The following ZC3H12B variants were observed in gnomAD, a reference collection of about 807,000 sequenced individuals.
ZC3H12B encodes zinc finger CCCH-type containing 12B.
In ZC3H12B, 7 loss-of-function variants were observed where a neutral mutation model predicts 43.9. The observed-to-expected ratio is 0.16, with a 90% CI of 0.09 to 0.30. The LOEUF (loss-of-function observed/expected upper bound fraction) is 0.30. Ranked by LOEUF, ZC3H12B falls within the 10% of genes least tolerant of loss-of-function variation. The pLI is 1.00. For synonymous variants in ZC3H12B, 222 were observed against 241.7 expected, an observed-to-expected ratio of 0.92 and a Z score of 0.76; for missense variants, 475 against 670.2, an observed-to-expected ratio of 0.71 and a Z score of 3.22.
chrX:65,151,749 G>C, the ZC3H12B span, among the ~76,000 whole-genome samples: 1 of 111,396 alleles, frequency 9.0e-6, no homozygotes, highest in African/African-American at 3.3e-5. Context: ...GCATCATCCT[G>C]ATACCAAAGC....
At chrX:65,489,736 A>G (rs2148225325) in intron 1 of ZC3H12B, among the ~76,000 whole-genome samples, 1 of 112,007 alleles carries the variant, frequency 8.9e-6, no homozygotes, top group Non-Finnish European at 1.9e-5. Context: ...TGCTGCTTTT[A>G]TAAAGTCACT....
the ZC3H12B span, among the ~76,000 whole-genome samples, chrX:65,221,779 G>T: frequency 5.4e-5 from 6 of 110,880 alleles, no homozygotes; most frequent in Admixed American, 4.8e-4. Flanking sequence ...AGAAGAATTG[G>T]TGCAAGTCCT....
chrX:65,451,220 G>A (rs1430453503), intron 3 of ZC3H12B, among the ~76,000 whole-genome samples: 1 of 110,566 alleles, frequency 9.0e-6, no homozygotes, highest in Non-Finnish European at 1.9e-5. Flanking sequence ...AAAGTCCTGG[G>A]ATTACAGGTG....
the ZC3H12B span, among the ~76,000 whole-genome samples, chrX:65,309,248 G>A: frequency 1.8e-5 from 2 of 109,855 alleles, no homozygotes; most frequent in African/African-American, 6.6e-5. Flanking sequence ...TAGACTGCTA[G>A]CAAGATTAAA....
chrX:65,408,054 G>A lies in ZC3H12B; in HGVS notation n.407+9350G>A, dbSNP rs1170651290. ...ATTGACCGGAGAATTGAGTTGCCGG[G>A]GAACAGAGCCCCGGCCGCCGCCAGC... On this transcript the variant is annotated intron_variant and non_coding_transcript_variant, in intron 3 of 5. Coordinates refer to the ZC3H12B transcript ENST00000617377. 2.0e-5 allele frequency: 23 copies of A among 1,166,887 alleles called. No homozygotes were observed. The East Asian group carries it at 7.1e-4, about 36-fold the overall frequency.
the ZC3H12B span, among the ~76,000 whole-genome samples, chrX:65,267,719 T>A: frequency 2.7e-5 from 3 of 111,642 alleles, no homozygotes; most frequent in African/African-American, 9.7e-5. Flanking sequence ...TTAAGTATCT[T>A]GAGAAAAGTG....
intron 3 of ZC3H12B, among the ~76,000 whole-genome samples, chrX:65,467,799 T>C (rs1484127108): frequency 1.8e-5 from 2 of 112,444 alleles, no homozygotes; most frequent in Admixed American, 1.9e-4. Flanking sequence ...GATGGCATTG[T>C]TTATTTTTCT....
chrX:65,262,255 A>AC, the ZC3H12B span, among the ~76,000 whole-genome samples: 1 of 111,380 alleles, frequency 9.0e-6, no homozygotes, highest in Non-Finnish European at 1.9e-5. Flanking sequence ...TGGAGTTGGT[A>AC]CCTACCTATA....
chrX:65,345,247 A>C, the ZC3H12B span, among the ~76,000 whole-genome samples: 2 of 112,224 alleles, frequency 1.8e-5, no homozygotes, highest in Non-Finnish European at 1.9e-5. Flanking sequence ...ACATGCATGC[A>C]TATGTACATT....
chrX:65,150,148 C>T, the ZC3H12B span, among the ~76,000 whole-genome samples: 1 of 110,788 alleles, frequency 9.0e-6, no homozygotes, highest in Non-Finnish European at 1.9e-5. Context: ...CCCTTCCTTT[C>T]CTATTGCTAC....
At chrX:65,279,296 G>A in the ZC3H12B span, among the ~76,000 whole-genome samples, 2 of 89,755 alleles carry the variant, frequency 2.2e-5, no homozygotes, top group Non-Finnish European at 4.0e-5. Context: ...AACCTTACCA[G>A]CATTTTTTTT....
chrX:65,345,289 C>T, the ZC3H12B span, among the ~76,000 whole-genome samples: 2 of 111,985 alleles, frequency 1.8e-5, no homozygotes, highest in Non-Finnish European at 3.8e-5. Context: ...AAGACGTGGA[C>T]TCAACCTAAG....
the ZC3H12B span, among the ~76,000 whole-genome samples, chrX:65,344,346 CA>C: frequency 2.2e-4 from 25 of 111,684 alleles, no homozygotes; most frequent in Non-Finnish European, 3.8e-4. Flanking sequence ...GTAACCAAAA[CA>C]GAATGGTACT....
At chrX:65,195,615 G>A in the ZC3H12B span, among the ~76,000 whole-genome samples, 1 of 112,399 alleles carries the variant, frequency 8.9e-6, no homozygotes, top group Non-Finnish European at 1.9e-5. Context: ...ATTAAAGATA[G>A]TTATAGTAAT....
chrX:65,455,950 C>T (rs1419688481), intron 3 of ZC3H12B, among the ~76,000 whole-genome samples: 1 of 111,642 alleles, frequency 9.0e-6, no homozygotes, highest in African/African-American at 3.3e-5. Context: ...CACCACCAGG[C>T]CTTCCCTAAA....
At chrX:65,133,147 A>G in the ZC3H12B span, among the ~76,000 whole-genome samples, 1 of 111,432 alleles carries the variant, frequency 9.0e-6, no homozygotes, top group Non-Finnish European at 1.9e-5. Context: ...ACTGTGGTTC[A>G]GGCGTTTGGA....
chrX:65,453,489 G>A (rs1413765731), intron 3 of ZC3H12B, among the ~76,000 whole-genome samples: 1 of 101,820 alleles, frequency 9.8e-6, no homozygotes, highest in Non-Finnish European at 2.0e-5. Flanking sequence ...GGGAGGCCAG[G>A]GCAGGTGGAT....
chrX:65,248,067 G>C, the ZC3H12B span, among the ~76,000 whole-genome samples: 2 of 110,907 alleles, frequency 1.8e-5, no homozygotes, highest in Non-Finnish European at 1.9e-5. Flanking sequence ...TTTTGTGGTG[G>C]AGTCTCGCTC....
the ZC3H12B span, among the ~76,000 whole-genome samples, chrX:65,340,268 G>C: frequency 8.9e-6 from 1 of 112,011 alleles, no homozygotes; most frequent in Non-Finnish European, 1.9e-5. Flanking sequence ...CTGATTACTT[G>C]AGCCATGCTG....
Sources: allele counts gnomAD v4.1 joint callset (sites outside exome capture counted in the v4.1 genomes callset), GRCh38; gene constraint gnomAD v4.1.1; transcripts MANE v1.5; gene names NCBI Gene and HGNC (gene_info 2026-07-23, HGNC 2026-07-21).